The following ZNF516 variants were observed in gnomAD, a reference collection of about 807,000 sequenced individuals.
ZNF516 encodes zinc finger protein 516.
ZNF516 carries 19 observed loss-of-function variants against 79.7 expected under a neutral mutation model. The ratio of observed to expected loss-of-function variants is 0.24; its 90% CI spans 0.17 to 0.35. The LOEUF (loss-of-function observed/expected upper bound fraction) is 0.35. Among genes scored for constraint, ZNF516 ranks in the 10% least tolerant of loss-of-function variants. The pLI is 1.00. For missense variants in ZNF516, 1,678 were observed against 1,679.5 expected (o/e 1.00, Z 0.02); for synonymous variants, 877 against 739.5 (o/e 1.19, Z -3.02).
Position 76,441,730 on chromosome 18 carries a change from G to T in ZNF516, c.1325C>A (p.Ala442Glu). ...GTCGAAGGCCACGTCCCCGGCCAGCGCCTCGTCCCAGGCCCCGTACTTGAG... is the reference window on the plus strand; with the variant it reads ...GTCGAAGGCCACGTCCCCGGCCAGCTCCTCGTCCCAGGCCCCGTACTTGAG... ...EYLKYGAWDE[A>E]LAGDVAFDKD... is the part of the protein sequence containing the mutation. The change falls in exon 3 of 7, where the codon GCG (alanine) becomes GAG (glutamate). Residue 442 changes from alanine (A) to glutamate (E), a missense_variant. This residue lies in a region of ZNF516 where 1,294 missense variants were observed against 1,248.3 expected (regional missense o/e 1.04). Coordinates refer to ENST00000443185, the MANE Select transcript of ZNF516 (RefSeq NM_014643.4). The T allele has an allele frequency of 6.4e-7, 1 of 1,572,932 alleles. No homozygotes were observed. Among genetic ancestry groups the T allele is most frequent in the Non-Finnish European group, 8.6e-7 (1 of 1,164,370 alleles).
At position 76,463,157 on chromosome 18, in the gene ZNF516, G is replaced by A. The variant is rs1884512893; in HGVS notation, c.-271-16C>T. The A allele has an allele frequency of 6.6e-6, 1 of 152,242 alleles. No homozygotes were observed. The highest frequency in any genetic ancestry group is 2.4e-5 in the African/African-American group (1 of 41,470). 9.4% of individuals were successfully genotyped at this position (152,242 alleles called of 1,614,324 possible). A position where few individuals can be genotyped will look rare whatever the true frequency, so the allele number is the denominator to read the frequency against. On this transcript the variant is annotated splice_polypyrimidine_tract_variant and intron_variant, in intron 1 of 6. Coordinates refer to ENST00000443185, the MANE Select transcript of ZNF516 (RefSeq NM_014643.4). ...CTCTCAGATTCTGAAATGAGGAAAA[G>A]TTTAGTATTCATCTAATTATGTTTT...
intron 3 of ZNF516, among the ~76,000 whole-genome samples, chr18:76,423,597 CT>C (rs1337886450): frequency 2.7e-5 from 1 of 36,952 alleles, no homozygotes; most frequent in Non-Finnish European, 5.9e-5. Flanking sequence ...GGTAAAAAGG[CT>C]TCACCCCTGA....
At chr18:76,421,070 C>G (rs943815671) in intron 3 of ZNF516, among the ~76,000 whole-genome samples, 2 of 152,222 alleles carry the variant, frequency 1.3e-5, no homozygotes, top group Non-Finnish European at 2.9e-5. Flanking sequence ...AGCTCCTGCC[C>G]TAGAATGCAG....
At chr18:76,479,124 TCATCATCAG>T (rs1407568439) in intron 1 of ZNF516, among the ~76,000 whole-genome samples, 1 of 151,872 alleles carries the variant, frequency 6.6e-6, no homozygotes, top group Non-Finnish European at 1.5e-5. Flanking sequence ...CCTGGAACAA[TCATCATCAG>T]GATACCTCAG....
At chr18:76,377,737 A>C (rs2074811509) in intron 4 of ZNF516, among the ~76,000 whole-genome samples, 1 of 104,898 alleles carries the variant, frequency 9.5e-6, no homozygotes, top group Non-Finnish European at 2.3e-5. Flanking sequence ...TTTTTTTGAG[A>C]TGGAGTCTCA....
chr18:76,456,782 A>G (rs2145642922), intron 2 of ZNF516, among the ~76,000 whole-genome samples: 2 of 152,244 alleles, frequency 1.3e-5, no homozygotes, highest in Non-Finnish European at 2.9e-5. Flanking sequence ...CATCCTAAAC[A>G]CAAATACTTT....
upstream of ZNF516, among the ~76,000 whole-genome samples, chr18:76,496,049 C>G (rs1443389403): frequency 1.3e-5 from 2 of 152,036 alleles, no homozygotes; most frequent in East Asian, 3.9e-4. Context: ...TCCCCACGAG[C>G]AGTAGTTAGT....
At position 76,451,790 on chromosome 18, in the gene ZNF516, TA is replaced by T. The variant is rs1255991992; in HGVS notation, c.-157-8580del. Among the ~76,000 whole-genome samples, 1 of 152,176 alleles carries T rather than the reference TA, an allele frequency of 6.6e-6. No individual in the cohort carries two copies. Among genetic ancestry groups the T allele is most frequent in the Non-Finnish European group, 1.5e-5 (1 of 68,032 alleles). ...ACATCATTAACATCCTGGACAAGCT[TA>T]TCTTACTACTGAGACAAAAAGCCTA... On this transcript the variant is annotated intron_variant, in intron 2 of 6. Coordinates refer to ENST00000443185, the MANE Select transcript of ZNF516 (RefSeq NM_014643.4). The surrounding 1 kb of genome is among the most constrained non-coding windows in gnomAD (Gnocchi z 6.0).
At chr18:76,471,138 G>A (rs1320614434) in intron 1 of ZNF516, among the ~76,000 whole-genome samples, 1 of 151,796 alleles carries the variant, frequency 6.6e-6, no homozygotes, top group East Asian at 1.9e-4. Flanking sequence ...AAGAAACACA[G>A]ATAAAGATGG....
chr18:76,369,296 G>A (rs2074665367), intron 6 of ZNF516, among the ~76,000 whole-genome samples: 1 of 152,134 alleles, frequency 6.6e-6, no homozygotes. Flanking sequence ...GTAACTATGG[G>A]TTTTATTAAG....
intron 1 of ZNF516, among the ~76,000 whole-genome samples, chr18:76,473,400 G>A (rs1034717516): frequency 1.4e-5 from 2 of 145,022 alleles, no homozygotes; most frequent in East Asian, 2.0e-4. Flanking sequence ...TGAGGAACTC[G>A]GAAAAGCTGG....
intron 1 of ZNF516, among the ~76,000 whole-genome samples, chr18:76,483,276 G>C (rs1914633353): frequency 6.6e-6 from 1 of 152,096 alleles, no homozygotes; most frequent in South Asian, 2.1e-4. Flanking sequence ...CAGCCAACCT[G>C]ACCATTGGAA....
chr18:76,490,201 T>G, intron 1 of ZNF516: 2 of 985,358 alleles, frequency 2.0e-6, no homozygotes, highest in Non-Finnish European at 2.4e-6. Flanking sequence ...CCTGTGAAAT[T>G]AAAGACGTCC....
At chr18:76,412,486 C>A (rs1042226643) in intron 3 of ZNF516, among the ~76,000 whole-genome samples, 5 of 152,144 alleles carry the variant, frequency 3.3e-5, no homozygotes, top group Admixed American at 3.3e-4. Context: ...ACCTGGGGAC[C>A]GACGGGAGCC....
At chr18:76,368,693 G>A (rs1440064913) in intron 6 of ZNF516, among the ~76,000 whole-genome samples, 4 of 152,066 alleles carry the variant, frequency 2.6e-5, no homozygotes, top group Non-Finnish European at 4.4e-5. Context: ...AACAATATAA[G>A]TACATCTTTT....
chr18:76,468,051 C>T (rs895917463), intron 1 of ZNF516, among the ~76,000 whole-genome samples: 5 of 152,176 alleles, frequency 3.3e-5, no homozygotes, highest in Admixed American at 2.0e-4. Context: ...CCAGCCAGCC[C>T]GTGCCTATTC....
chr18:76,391,042 A>G (rs865923223), intron 3 of ZNF516, among the ~76,000 whole-genome samples: 6 of 152,138 alleles, frequency 3.9e-5, no homozygotes, highest in Middle Eastern at 3.2e-3. Context: ...GAGGGCCACG[A>G]GGGAAGGAAC....
chr18:76,425,384 CA>C (rs1482950038), intron 3 of ZNF516, among the ~76,000 whole-genome samples: 6 of 152,136 alleles, frequency 3.9e-5, no homozygotes, highest in Non-Finnish European at 7.3e-5. Context: ...ATTTTTTAAT[CA>C]AAACTAAATA....
intron 4 of ZNF516, among the ~76,000 whole-genome samples, chr18:76,375,314 G>C (rs142473088): frequency 4.2e-4 from 64 of 152,308 alleles, no homozygotes; most frequent in African/African-American, 1.5e-3. Context: ...GTAGAGAGTG[G>C]ACAGGGAAGG....
Sources: allele counts gnomAD v4.1 joint callset (sites outside exome capture counted in the v4.1 genomes callset), GRCh38; gene constraint gnomAD v4.1.1; regional missense constraint gnomAD v4.1.1; non-coding constraint Gnocchi (gnomAD v3.1); transcripts MANE v1.5; gene names NCBI Gene and HGNC (gene_info 2026-07-23, HGNC 2026-07-21).